SHQ1: variants seen among roughly 807,000 people sequenced by gnomAD.
SHQ1 encodes protein SHQ1 homolog.
A neutral mutation model predicts 53.8 loss-of-function variants in SHQ1; 49 were observed. That is an observed-to-expected ratio of 0.91 (90% CI 0.72 to 1.16). SHQ1 has a LOEUF of 1.16. Among genes scored for constraint, SHQ1 ranks in the 50% most tolerant of loss-of-function variants. The probability of loss-of-function intolerance (pLI) is 0.00; values close to 1 mark genes in which losing one functional copy is unlikely to be tolerated. For synonymous variants in SHQ1, 243 were observed against 251.0 expected (o/e 0.97, Z 0.30); for missense variants, 738 against 683.1 (o/e 1.08, Z -0.90).
downstream of SHQ1, among the ~76,000 whole-genome samples, chr3:72,748,700 A>C (rs1219895591): frequency 1.3e-5 from 2 of 152,100 alleles, no homozygotes; most frequent in African/African-American, 4.8e-5. Context: ...CAAACAAAAC[A>C]AAACAAAACA....
the SHQ1 span, among the ~76,000 whole-genome samples, chr3:72,729,606 T>A: frequency 6.6e-6 from 1 of 152,236 alleles, no homozygotes; most frequent in Non-Finnish European, 1.5e-5. Flanking sequence ...GTCCACTTTG[T>A]TCATTAAGTT....
chr3:72,796,263 T>C (rs1015311900), intron 9 of SHQ1, among the ~76,000 whole-genome samples: 2 of 152,124 alleles, frequency 1.3e-5, no homozygotes, highest in African/African-American at 4.8e-5. Flanking sequence ...AGAATGCACT[T>C]GGACAGACTG....
chr3:72,844,378 C>T lies in SHQ1; in HGVS notation c.189G>A (p.Gly63=), dbSNP rs537791378. The change falls in exon 2 of 11, where the codon GGG becomes GGA. Residue 63 remains glycine (G), a synonymous_variant. Coordinates refer to ENST00000325599, the MANE Select transcript of SHQ1 (RefSeq NM_018130.3). Reference sequence around the variant, plus strand: ...CAATACCTTTATCTGCATCATAGGACCCTTGCTCACTTCCATTTTCTACAA... The same window carrying T: ...CAATACCTTTATCTGCATCATAGGATCCTTGCTCACTTCCATTTTCTACAA... The part of the protein sequence containing the change: ...GRIVENGSEQ[G]SYDADKGIFT... The T allele has an allele frequency of 6.2e-7, 1 of 1,613,728 alleles. No individual in the cohort carries two copies. Among genetic ancestry groups the T allele is most frequent in the Admixed American group, 1.7e-5 (1 of 60,002 alleles).
At chr3:72,809,572 C>T (rs1396963346) in intron 9 of SHQ1, 1 of 152,158 alleles carries the variant, frequency 6.6e-6, no homozygotes. Context: ...ACCTTCTATA[C>T]ATTAATAAGA....
intron 8 of SHQ1, among the ~76,000 whole-genome samples, chr3:72,813,830 CTTTT>C (rs931930903): frequency 9.2e-6 from 1 of 108,196 alleles, no homozygotes; most frequent in Non-Finnish European, 1.8e-5. Flanking sequence ...TCCTCTTTTT[CTTTT>C]TTTTTTTTTT....
intron 10 of SHQ1, among the ~76,000 whole-genome samples, chr3:72,781,667 C>CCCAG (rs1172203639): frequency 6.6e-6 from 1 of 152,076 alleles, no homozygotes. Flanking sequence ...CAGAGGCAAT[C>CCCAG]CCAGCCCTGC....
intron 10 of SHQ1, among the ~76,000 whole-genome samples, chr3:72,751,476 A>ATGTG (rs372032784): frequency 0.017 from 1,855 of 109,436 alleles, 64 homozygotes; most frequent in Admixed American, 0.053. Flanking sequence ...ATAAGCACAT[A>ATGTG]TGTGTGTGTG....
At chr3:72,732,121 C>A in the SHQ1 span, among the ~76,000 whole-genome samples, 5 of 151,590 alleles carry the variant, frequency 3.3e-5, no homozygotes, top group Non-Finnish European at 4.4e-5. Context: ...ATTGTAAATA[C>A]ACACTTTAAA....
intron 10 of SHQ1, 132 bp downstream of exon 10, chr3:72,792,784 C>CAAAAAA (rs59948195): frequency 3.5e-4 from 91 of 258,866 alleles, no homozygotes; most frequent in South Asian, 6.0e-4. Flanking sequence ...ACCTCCATCT[C>CAAAAAA]AAAAAAAAAA....
intron 10 of SHQ1, among the ~76,000 whole-genome samples, chr3:72,755,985 A>AC (rs1434039217): frequency 7.2e-5 from 11 of 152,058 alleles, no homozygotes; most frequent in African/African-American, 2.4e-4. Flanking sequence ...TGTAGCTTTG[A>AC]CCTCCTGGGC....
chr3:72,832,576 C>A, intron 4 of SHQ1, 95 bp from the exon 5 acceptor site: 1 of 781,210 alleles, frequency 1.3e-6, no homozygotes, highest in Non-Finnish European at 2.1e-6. Context: ...ACAGGAAGAA[C>A]CTAACTGATC....
rs181656535 is a variant in SHQ1 at position 72,817,321 on chromosome 3, T to C, written c.791A>G (p.Asp264Gly). 4.9e-5 allele frequency: 79 copies of C among 1,613,734 alleles called. No individual in the cohort carries two copies. Among genetic ancestry groups the C allele is most frequent in the South Asian group, 1.2e-4 (11 of 91,054 alleles). Residue 264 changes from aspartate (D) to glycine (G), a missense_variant, in exon 7 of 11, where the codon GAC becomes GGC. Transcript: ENST00000325599. ...GCACACTTGACGACAGGCTCTCTTG[T>C]CCAGCAGATAAGATTTATTGACAAA... ...RKFVNKSYLL[D>G]KRACRQVCYS...
At chr3:72,847,454 G>A (rs1254394036) in intron 1 of SHQ1, among the ~76,000 whole-genome samples, 2 of 114,246 alleles carry the variant, frequency 1.8e-5, no homozygotes, top group African/African-American at 7.8e-5. Context: ...AAGGATCACC[G>A]TCAAAGTTAA....
chr3:72,765,346 C>T (rs1705696673), intron 10 of SHQ1, among the ~76,000 whole-genome samples: 1 of 151,788 alleles, frequency 6.6e-6, no homozygotes, highest in Non-Finnish European at 1.5e-5. Flanking sequence ...TTACTTCCTT[C>T]TATGGCACTA....
intron 7 of SHQ1, among the ~76,000 whole-genome samples, chr3:72,816,280 G>A (rs1448959635): frequency 2.0e-5 from 3 of 152,058 alleles, no homozygotes; most frequent in Admixed American, 6.5e-5. Flanking sequence ...ATAGACACAC[G>A]CGCACACTGA....
chr3:72,807,576 A>C (rs1428158352), intron 9 of SHQ1, among the ~76,000 whole-genome samples: 1 of 152,214 alleles, frequency 6.6e-6, no homozygotes, highest in African/African-American at 2.4e-5. Context: ...TCTCCTCTAC[A>C]ATTCAATTTT....
chr3:72,745,827 G>C (rs967335369), downstream of SHQ1, among the ~76,000 whole-genome samples: 1 of 150,934 alleles, frequency 6.6e-6, no homozygotes, highest in Admixed American at 6.6e-5. Context: ...GAACGCGCCT[G>C]ATCTCATCTA....
downstream of SHQ1, among the ~76,000 whole-genome samples, chr3:72,746,488 AAGAC>A (rs1203378973): frequency 1.3e-5 from 2 of 152,208 alleles, no homozygotes; most frequent in Non-Finnish European, 2.9e-5. Context: ...ATCTTAAACA[AAGAC>A]AGAGTAACGT....
chr3:72,780,483 C>T (rs1217952317), intron 10 of SHQ1, among the ~76,000 whole-genome samples: 1 of 152,132 alleles, frequency 6.6e-6, no homozygotes, highest in Non-Finnish European at 1.5e-5. Context: ...TTAGGATAAT[C>T]TAAGGATAGA....
Sources: gnomAD v4.1 joint callset for allele counts (sites outside exome capture counted in the v4.1 genomes callset) on GRCh38, gnomAD v4.1.1 for gene constraint, MANE v1.5 for transcripts, NCBI Gene and HGNC (gene_info 2026-07-23, HGNC 2026-07-21) for gene names.